The following AGBL4 variants were observed in gnomAD, a reference collection of about 807,000 sequenced individuals.
AGBL4 encodes AGBL carboxypeptidase 4.
In AGBL4, 58 loss-of-function variants were observed where a neutral mutation model predicts 66.4. That is an observed-to-expected ratio of 0.87 (90% CI 0.71 to 1.09). The LOEUF is 1.09. AGBL4 is among the 50% of genes least tolerant of loss of function. The pLI, the probability that AGBL4 is intolerant of heterozygous loss-of-function variation, is 0.00. For synonymous variants in AGBL4, 234 were observed against 222.9 expected, an observed-to-expected ratio of 1.05 and a Z score of -0.44; for missense variants, 579 against 631.0, an observed-to-expected ratio of 0.92 and a Z score of 0.88.
chr1:48,601,409 G>T (rs1445424804), intron 9 of AGBL4, among the ~76,000 whole-genome samples: 1 of 152,170 alleles, frequency 6.6e-6, no homozygotes, highest in Non-Finnish European at 1.5e-5. Context: ...TAGGTGCTGT[G>T]CTTGGCACTG....
chr1:48,595,211 G>A (rs1344549234), intron 9 of AGBL4, among the ~76,000 whole-genome samples: 1 of 152,164 alleles, frequency 6.6e-6, no homozygotes, highest in East Asian at 1.9e-4. Flanking sequence ...TACTACATGA[G>A]ATGATAATCT....
intron 4 of AGBL4, among the ~76,000 whole-genome samples, chr1:49,226,274 TAACTTG>T (rs1353254411): frequency 6.6e-6 from 1 of 152,166 alleles, no homozygotes; most frequent in African/African-American, 2.4e-5. Flanking sequence ...GCACAATACT[TAACTTG>T]AATAAATGTT....
At chr1:48,641,190 G>T (rs187724913) in intron 8 of AGBL4, among the ~76,000 whole-genome samples, 33 of 152,280 alleles carry the variant, frequency 2.2e-4, no homozygotes, top group Admixed American at 1.8e-3. Context: ...GCCACTAAAA[G>T]GTTGGGATTC....
Position 49,331,567 on chromosome 1 carries a change from C to T in AGBL4, c.283-85703G>A, listed in dbSNP as rs1645334366. Among the ~76,000 whole-genome samples, 4 of 152,192 alleles carry T rather than the reference C, an allele frequency of 2.6e-5. No homozygotes were observed. In the South Asian group the frequency reaches 8.3e-4, roughly 32 times the overall value. ...ACCAGACTGCTTCTTTAAGCAAGAC[C>T]CTGGTCCATTCCTCTTTACTGGGTG... On this transcript the variant is annotated intron_variant, in intron 3 of 13. Transcript: ENST00000371839.
chr1:49,251,500 T>C (rs140227619), intron 3 of AGBL4, among the ~76,000 whole-genome samples: 5 of 152,130 alleles, frequency 3.3e-5, no homozygotes, highest in African/African-American at 1.2e-4. Flanking sequence ...CAATTACTCT[T>C]GCTTGAGGGG....
At chr1:48,696,611 A>G (rs1208592086) in intron 6 of AGBL4, among the ~76,000 whole-genome samples, 1 of 152,186 alleles carries the variant, frequency 6.6e-6, no homozygotes, top group African/African-American at 2.4e-5. Context: ...TCACCAATGC[A>G]GGAAGAAATA....
intron 5 of AGBL4, among the ~76,000 whole-genome samples, chr1:49,045,284 T>C (rs1307060672): frequency 6.6e-6 from 1 of 152,204 alleles, no homozygotes; most frequent in Non-Finnish European, 1.5e-5. Context: ...TTCACTTAAA[T>C]TTTGTATTTT....
At chr1:49,526,019 G>A (rs1361806081) in intron 3 of AGBL4, among the ~76,000 whole-genome samples, 3 of 151,960 alleles carry the variant, frequency 2.0e-5, no homozygotes, top group Non-Finnish European at 4.4e-5. Context: ...GTGAACCCTG[G>A]GAGGTGGAGC....
chr1:49,279,301 AT>A (rs1197985355), intron 3 of AGBL4, among the ~76,000 whole-genome samples: 1 of 152,228 alleles, frequency 6.6e-6, no homozygotes, highest in Non-Finnish European at 1.5e-5. Context: ...GTAGAGTTAA[AT>A]TACTCCAAGG....
At chr1:49,665,929 GT>G (rs563774076) in intron 3 of AGBL4, among the ~76,000 whole-genome samples, 318 of 140,064 alleles carry the variant, frequency 2.3e-3, no homozygotes, top group Middle Eastern at 7.5e-3. Flanking sequence ...TGTGTCTTAA[GT>G]TTTTTTTTTT....
At chr1:49,262,323 A>T (rs1653267282) in intron 3 of AGBL4, among the ~76,000 whole-genome samples, 1 of 152,204 alleles carries the variant, frequency 6.6e-6, no homozygotes, top group African/African-American at 2.4e-5. Flanking sequence ...ATTAAACTAA[A>T]GAGCTTCTGC....
At chr1:49,936,234 T>G (rs915029560) in intron 1 of AGBL4, among the ~76,000 whole-genome samples, 6 of 152,124 alleles carry the variant, frequency 3.9e-5, no homozygotes, top group South Asian at 2.1e-4. Flanking sequence ...AGAAAGGGTA[T>G]CAGCGATGGA....
At chr1:49,443,067 G>A (rs796847640) in intron 3 of AGBL4, among the ~76,000 whole-genome samples, 5 of 152,182 alleles carry the variant, frequency 3.3e-5, no homozygotes, top group African/African-American at 1.2e-4. Context: ...GGCTGTTTGT[G>A]TGTTTTCTTT....
chr1:49,531,945 AT>A (rs1266167034), intron 3 of AGBL4, among the ~76,000 whole-genome samples: 20 of 152,268 alleles, frequency 1.3e-4, no homozygotes, highest in African/African-American at 4.6e-4. Flanking sequence ...CAACATTACA[AT>A]TTATGGGAAA....
intron 4 of AGBL4, among the ~76,000 whole-genome samples, chr1:49,147,592 G>A (rs532427412): frequency 6.6e-6 from 1 of 152,224 alleles, no homozygotes; most frequent in East Asian, 1.9e-4. Flanking sequence ...GAGAAAAGTT[G>A]CCACCTCCAG....
At chr1:49,568,759 T>C (rs1245025728) in intron 3 of AGBL4, among the ~76,000 whole-genome samples, 1 of 152,132 alleles carries the variant, frequency 6.6e-6, no homozygotes, top group African/African-American at 2.4e-5. Flanking sequence ...CCTCAAACTA[T>C]ACTGCAGGGC....
chr1:49,949,157 G>T (rs1271790968), intron 1 of AGBL4, among the ~76,000 whole-genome samples: 1 of 151,594 alleles, frequency 6.6e-6, no homozygotes, highest in Non-Finnish European at 1.5e-5. Context: ...GAATGAAACT[G>T]GATCCTCATC....
rs78390768 is a variant in AGBL4, at chr1:48,781,747, T to C, written c.634+85444A>G. Among the ~76,000 whole-genome samples the C allele has an allele frequency of 4.7e-4, 71 of 152,336 alleles. 2 individuals are homozygous for C. The East Asian group carries it at 0.01, about 22-fold the overall frequency. Reference sequence around the variant, plus strand: ...CACTGAGGTAGAATCTTTAACCTTATAGCAGCCATACTAGGTTCACCAAGA... The same window carrying C: ...CACTGAGGTAGAATCTTTAACCTTACAGCAGCCATACTAGGTTCACCAAGA... On this transcript the variant is annotated intron_variant, in intron 6 of 13. Coordinates refer to ENST00000371839, the MANE Select transcript of AGBL4 (RefSeq NM_032785.4).
chr1:49,040,784 G>A (rs1643918261), intron 5 of AGBL4, among the ~76,000 whole-genome samples: 1 of 152,054 alleles, frequency 6.6e-6, no homozygotes, highest in Non-Finnish European at 1.5e-5. Context: ...GACTGGAAGT[G>A]AGAATTAACA....
Sources: gnomAD v4.1 joint callset for allele counts (sites outside exome capture counted in the v4.1 genomes callset) on GRCh38, gnomAD v4.1.1 for gene constraint, MANE v1.5 for transcripts, NCBI Gene and HGNC (gene_info 2026-07-23, HGNC 2026-07-21) for gene names.